The following SIDT1 variants were observed in gnomAD, a reference collection of about 807,000 sequenced individuals.
SIDT1 encodes SID1 transmembrane family member 1.
SIDT1 carries 101 observed loss-of-function variants against 107.5 expected under a neutral mutation model. The ratio of observed to expected loss-of-function variants is 0.94; its 90% CI spans 0.80 to 1.11. SIDT1 has a LOEUF of 1.11. SIDT1 is among the 50% of genes least tolerant of loss of function. The pLI is 0.00. For missense variants in SIDT1, 1,076 were observed against 1,058.2 expected (o/e 1.02, Z -0.23); for synonymous variants, 395 against 398.2 (o/e 0.99, Z 0.10).
At chr3:113,558,879 T>C (rs1291779028) in intron 1 of SIDT1, among the ~76,000 whole-genome samples, 11 of 152,234 alleles carry the variant, frequency 7.2e-5, no homozygotes, top group Admixed American at 7.2e-4. Context: ...TTACTGAAGA[T>C]GTACAAATAA....
chr3:113,607,971 A>T, intron 15 of SIDT1, 123 bp from the exon 16 acceptor site: 1 of 1,142,640 alleles, frequency 8.8e-7, no homozygotes, highest in Non-Finnish European at 1.2e-6. Flanking sequence ...TGATCTTGAA[A>T]CCTTATGGAA....
chr3:113,580,737 T>C, intron 5 of SIDT1, 28 bp downstream of exon 5: 2 of 1,323,108 alleles, frequency 1.5e-6, no homozygotes, highest in South Asian at 1.2e-5. Flanking sequence ...GCCAACCTTC[T>C]ACTATAGAGC....
chr3:113,546,476 T>C (rs1939606109), intron 1 of SIDT1, among the ~76,000 whole-genome samples: 1 of 152,202 alleles, frequency 6.6e-6, no homozygotes, highest in Non-Finnish European at 1.5e-5. Context: ...GAACTTATAT[T>C]TCAGTTCCCT....
rs749029413 is a variant in SIDT1, at chr3:113,566,474, G to T, written c.277G>T (p.Val93Phe). Residue 93 changes from valine (V) to phenylalanine (F), a missense_variant, in exon 2 of 25, where the codon GTC (valine) becomes TTC (phenylalanine). Val to Phe is a conservative substitution (Grantham distance 50). Transcript: ENST00000264852. ...TTCCTCTGAGAATCTCAACTACCCGGTCCTTGTTGTGGTTCGCCAGCAGAA... is the reference window on the plus strand; with the variant it reads ...TTCCTCTGAGAATCTCAACTACCCGTTCCTTGTTGTGGTTCGCCAGCAGAA... ...NSSSENLNYP[V>F]LVVVRQQKEV... The T allele has an allele frequency of 1.2e-6, 2 of 1,614,130 alleles. No homozygotes were observed. The highest frequency in any genetic ancestry group is 1.1e-5 in the South Asian group (1 of 91,078).
chr3:113,594,677 T>C (rs1263817190), intron 10 of SIDT1, among the ~76,000 whole-genome samples: 2 of 152,128 alleles, frequency 1.3e-5, no homozygotes, highest in African/African-American at 4.8e-5. Flanking sequence ...AGCTAAGAGC[T>C]GGAGGTACCC....
chr3:113,559,109 G>C (rs1941176674), intron 1 of SIDT1, among the ~76,000 whole-genome samples: 2 of 152,142 alleles, frequency 1.3e-5, no homozygotes, highest in Admixed American at 1.3e-4. Flanking sequence ...CATTCAGGTT[G>C]TTTCCAAATT....
intron 10 of SIDT1, 188 bp from the exon 11 acceptor site, chr3:113,601,400 G>A (rs1256260461): frequency 2.2e-6 from 1 of 452,854 alleles, no homozygotes; most frequent in Non-Finnish European, 3.9e-6. Context: ...CTTAGTTGAA[G>A]AGCCATACAG....
At chr3:113,568,188 T>A (rs906212612) in intron 3 of SIDT1, among the ~76,000 whole-genome samples, 3 of 151,706 alleles carry the variant, frequency 2.0e-5, no homozygotes, top group Non-Finnish European at 4.4e-5. Context: ...CCCCTGTTTT[T>A]AAAAAACTAA....
intron 10 of SIDT1, among the ~76,000 whole-genome samples, chr3:113,596,857 G>A (rs1200054484): frequency 6.6e-6 from 1 of 152,192 alleles, no homozygotes; most frequent in Non-Finnish European, 1.5e-5. Flanking sequence ...AGCTTGGCAG[G>A]CCTAATCGGT....
At chr3:113,567,480 C>G (rs889828034) in intron 2 of SIDT1, 60 bp from the exon 3 acceptor site, 29 of 1,390,910 alleles carry the variant, frequency 2.1e-5, no homozygotes, top group Non-Finnish European at 2.8e-5. Flanking sequence ...TTTCCCTGCT[C>G]ATTCACTGAG....
In SIDT1 at chr3:113,585,165, C is replaced by T. The variant is rs770588228; in HGVS notation, c.908-12C>T. The T allele has an allele frequency of 6.7e-5, 107 of 1,603,602 alleles. No individual in the cohort carries two copies. Among genetic ancestry groups the T allele is most frequent in the Non-Finnish European group, 5.1e-6 (6 of 1,170,854 alleles). On this transcript the variant is annotated splice_polypyrimidine_tract_variant and intron_variant, in intron 8 of 24. Coordinates refer to ENST00000264852, the MANE Select transcript of SIDT1 (RefSeq NM_017699.3). ...GAGGATGACCTGACCAAAGTTGTTT[C>T]TCTCCCTTCAGAATCTGTTTATGTG...
At chr3:113,573,721 A>C (rs961605646) in intron 3 of SIDT1, among the ~76,000 whole-genome samples, 2 of 152,198 alleles carry the variant, frequency 1.3e-5, no homozygotes, top group Non-Finnish European at 2.9e-5. Context: ...CCTTTACACC[A>C]CATGAGGATG....
At chr3:113,626,054 A>G in intron 23 of SIDT1, 48 bp from the exon 24 acceptor site, 1 of 1,286,412 alleles carries the variant, frequency 7.8e-7, no homozygotes, top group Non-Finnish European at 1.1e-6. Context: ...CTCTTTGAAC[A>G]GTTGAACTGT....
chr3:113,582,588 C>A (rs891260713), intron 6 of SIDT1, among the ~76,000 whole-genome samples: 1 of 152,092 alleles, frequency 6.6e-6, no homozygotes, highest in Admixed American at 6.5e-5. Context: ...TCATAAAGGG[C>A]AAGCATATCA....
chr3:113,535,461 T>C (rs930358204), intron 1 of SIDT1, among the ~76,000 whole-genome samples: 3 of 152,256 alleles, frequency 2.0e-5, no homozygotes, highest in Non-Finnish European at 4.4e-5. Flanking sequence ...ACAAATTTCT[T>C]TCATAAAACA....
intron 20 of SIDT1, among the ~76,000 whole-genome samples, chr3:113,617,333 TGAGCCCA>T (rs1946178005): frequency 6.6e-6 from 1 of 152,248 alleles, no homozygotes; most frequent in African/African-American, 2.4e-5. Flanking sequence ...ATTTCTATAG[TGAGCCCA>T]GAGCTCAGGG....
chr3:113,567,430 T>C, intron 2 of SIDT1, 110 bp from the exon 3 acceptor site: 1 of 861,694 alleles, frequency 1.2e-6, no homozygotes, highest in South Asian at 1.7e-5. Flanking sequence ...CATAAGGACC[T>C]GAAAATGAAT....
intron 1 of SIDT1, among the ~76,000 whole-genome samples, chr3:113,556,560 A>G (rs1940877405): frequency 6.6e-6 from 1 of 152,216 alleles, no homozygotes; most frequent in African/African-American, 2.4e-5. Context: ...TTGAAGCACA[A>G]TGAGAATTTA....
intron 2 of SIDT1, 60 bp downstream of exon 2, chr3:113,566,601 C>A: frequency 1.3e-6 from 2 of 1,553,916 alleles, no homozygotes; most frequent in Non-Finnish European, 1.8e-6. Flanking sequence ...TGTCCTAGAA[C>A]TTAATTGGTC....
Sources: allele counts gnomAD v4.1 joint callset (sites outside exome capture counted in the v4.1 genomes callset), GRCh38; gene constraint gnomAD v4.1.1; transcripts MANE v1.5; gene names NCBI Gene and HGNC (gene_info 2026-07-23, HGNC 2026-07-21).